The following WIPF1 variants were observed in gnomAD, a reference collection of about 807,000 sequenced individuals.
The protein encoded by WIPF1 is WAS/WASL-interacting protein family member 1.
Under a neutral mutation model 35.4 loss-of-function variants are expected in WIPF1, and 13 were observed. That is an observed-to-expected ratio of 0.37 (90% CI 0.24 to 0.58). The LOEUF is 0.58. Among genes scored for constraint, WIPF1 ranks in the 20% least tolerant of loss-of-function variants. The pLI is 0.74. For missense variants in WIPF1, 591 were observed against 667.0 expected, an observed-to-expected ratio of 0.89 and a Z score of 1.25; for synonymous variants, 267 against 266.3, an observed-to-expected ratio of 1.00 and a Z score of -0.02.
In WIPF1 at chr2:174,667,257, C is replaced by T. The variant is rs533727952; in HGVS notation, c.-39+15517G>A. On this transcript the variant is annotated intron_variant, in intron 1 of 8. Coordinates refer to the WIPF1 transcript ENST00000272746. ...ACGGCACCCTCTTCCTGGGACTGGT[C>T]GAGGTCTCTGCAGGAATTGTAAAGA... Among the ~76,000 whole-genome samples the T allele has an allele frequency of 8.1e-3, 1,234 of 152,298 alleles. 8 individuals carry two copies. Among genetic ancestry groups the T allele is most frequent in the Non-Finnish European group, 0.014 (986 of 68,018 alleles).
intron 1 of WIPF1, among the ~76,000 whole-genome samples, chr2:174,604,957 A>G (rs1374887039): frequency 5.9e-5 from 9 of 152,196 alleles, no homozygotes; most frequent in Admixed American, 5.9e-4. Flanking sequence ...ACTACTTTTG[A>G]ACCAAGGAGA....
At position 174,567,870 on chromosome 2, in the gene WIPF1, G is replaced by T. The variant is rs780591761; in HGVS notation, c.1333C>A (p.Pro445Thr). The change falls in exon 6 of 8, where the codon CCA (proline) becomes ACA (threonine). Residue 445 changes from proline (P) to threonine (T), a missense_variant. Physicochemically the swap from Pro to Thr is conservative, Grantham distance 38. Around this residue, in one of 3 missense-constraint regions of WIPF1, gnomAD observed 117 missense variants for 149.6 expected, o/e 0.78. Coordinates refer to ENST00000679041, the MANE Select transcript of WIPF1 (RefSeq NM_001375834.1). ...TSIRNGFQDS[P>T]CEDEWESRFY... ...TGGGACCACACCTCACCTTCACATG[G>T]AGAGTCTTGGAAGCCATTTCTAATA... is the stretch of plus-strand genomic sequence containing the variant. 6.3e-7 allele frequency: 1 copy of T among 1,587,426 alleles called. No homozygotes were observed.
chr2:174,654,685 T>C (rs913292808), intron 1 of WIPF1, among the ~76,000 whole-genome samples: 4 of 152,116 alleles, frequency 2.6e-5, no homozygotes, highest in African/African-American at 9.7e-5. Flanking sequence ...CTTAACTCTC[T>C]TCTGACTAGT....
chr2:174,668,555 T>G (rs1427474665), intron 1 of WIPF1, among the ~76,000 whole-genome samples: 1 of 152,226 alleles, frequency 6.6e-6, no homozygotes, highest in Non-Finnish European at 1.5e-5. Context: ...ATTTTCTTCC[T>G]CATTAAAGAC....
chr2:174,673,913 C>T (rs926203742), intron 1 of WIPF1: 1 of 151,922 alleles, frequency 6.6e-6, no homozygotes, highest in Non-Finnish European at 1.5e-5. Flanking sequence ...CTTCTGTTGC[C>T]CAAATGCAAT....
chr2:174,657,625 G>C (rs949312554), intron 1 of WIPF1, among the ~76,000 whole-genome samples: 13 of 152,202 alleles, frequency 8.5e-5, no homozygotes, highest in Non-Finnish European at 1.5e-5. Flanking sequence ...GGGTACAGTG[G>C]CTCACGCCTG....
rs140291304 is a variant in WIPF1 at position 174,668,944 on chromosome 2, G to T, written c.-39+13830C>A. ...ATGTTGACCTTGCCAGATTAGCTGT[G>T]TGAAACTGGGCCAGCTGATTACCCT... On this transcript the variant is annotated intron_variant, in intron 1 of 8. Coordinates refer to the WIPF1 transcript ENST00000272746. Among the ~76,000 whole-genome samples the T allele has an allele frequency of 6.2e-3, 948 of 152,346 alleles. 12 individuals are homozygous for T. The highest frequency in any genetic ancestry group is 0.022 in the African/African-American group (907 of 41,572).
chr2:174,661,422 C>T (rs757307879), intron 1 of WIPF1, among the ~76,000 whole-genome samples: 1 of 152,102 alleles, frequency 6.6e-6, no homozygotes, highest in African/African-American at 2.4e-5. Context: ...CTCTCTTTTC[C>T]GGACTTGTCC....
At chr2:174,638,680 T>C (rs1283740050) in intron 1 of WIPF1, among the ~76,000 whole-genome samples, 1 of 152,194 alleles carries the variant, frequency 6.6e-6, no homozygotes. Context: ...TTATTTCACT[T>C]AATACGATGT....
chr2:174,562,244 G>A lies in WIPF1; in HGVS notation c.*303C>T. The A allele has an allele frequency of 6.5e-7, 1 of 1,542,546 alleles. No homozygotes were observed. The highest frequency in any genetic ancestry group is 1.2e-5 in the South Asian group (1 of 83,534). On this transcript the variant is annotated 3_prime_UTR_variant, in exon 8 of 8. Transcript: ENST00000679041. ...AAATAAGCAGTGAATGTTTGAATTT[G>A]GTTGGTGGAAAGCTGGGATGCAAGT...
chr2:174,636,906 C>T (rs1687196988), intron 1 of WIPF1, among the ~76,000 whole-genome samples: 1 of 152,184 alleles, frequency 6.6e-6, no homozygotes, highest in South Asian at 2.1e-4. Context: ...GATCACCTGG[C>T]TGAGGCAGTG....
intron 1 of WIPF1, among the ~76,000 whole-genome samples, chr2:174,653,328 C>T (rs1687571832): frequency 6.6e-6 from 1 of 152,082 alleles, no homozygotes; most frequent in Non-Finnish European, 1.5e-5. Context: ...TGGGTGTAAC[C>T]CACCCAGCTA....
intron 1 of WIPF1, among the ~76,000 whole-genome samples, chr2:174,646,443 A>G (rs920634908): frequency 6.6e-6 from 1 of 152,260 alleles, no homozygotes; most frequent in Non-Finnish European, 1.5e-5. Context: ...TTTCTCATCT[A>G]TAACATGGAG....
At chr2:174,610,329 C>T (rs2105897792) in intron 1 of WIPF1, among the ~76,000 whole-genome samples, 1 of 152,330 alleles carries the variant, frequency 6.6e-6, no homozygotes, top group South Asian at 2.1e-4. Context: ...CTTTTCCCCA[C>T]AACACGGAAG....
upstream of WIPF1, among the ~76,000 whole-genome samples, chr2:174,599,825 C>A (rs1397403353): frequency 1.3e-5 from 2 of 152,084 alleles, no homozygotes; most frequent in South Asian, 4.2e-4. Flanking sequence ...CTATCTCTCT[C>A]TCTCTCTCTC....
chr2:174,631,385 T>C (rs1420539744), intron 1 of WIPF1, among the ~76,000 whole-genome samples: 1 of 152,172 alleles, frequency 6.6e-6, no homozygotes, highest in Non-Finnish European at 1.5e-5. Flanking sequence ...TATTATATAA[T>C]TCTACTTATA....
intron 3 of WIPF1, 139 bp downstream of exon 3, chr2:174,581,171 T>C: frequency 8.0e-7 from 1 of 1,252,866 alleles, no homozygotes; most frequent in African/African-American, 1.5e-5. Context: ...CAGGGAGTGA[T>C]ACAGTCCCTT....
chr2:174,590,925 G>A lies in WIPF1; in HGVS notation c.-38-5314C>T, dbSNP rs1685582385. ...GAAAAGGCTTTTGTTTTCACATACAGTATTACGGTCTGAACTATGTCCCCT... is the reference window on the plus strand; with the variant it reads ...GAAAAGGCTTTTGTTTTCACATACAATATTACGGTCTGAACTATGTCCCCT... On this transcript the variant is annotated intron_variant, in intron 1 of 7. Transcript: ENST00000679041. This position sits in a 1 kb window ranked among gnomAD's most constrained non-coding sequence, Gnocchi z 4.6. Among the ~76,000 whole-genome samples the A allele has an allele frequency of 6.6e-6, 1 of 152,200 alleles. No individual in the cohort carries two copies. The highest frequency in any genetic ancestry group is 2.4e-5 in the African/African-American group (1 of 41,434).
intron 1 of WIPF1, among the ~76,000 whole-genome samples, chr2:174,585,852 C>T (rs1685401042): frequency 6.6e-6 from 1 of 152,156 alleles, no homozygotes; most frequent in Non-Finnish European, 1.5e-5. Flanking sequence ...CGGCTCCATT[C>T]CCCCACCCAC....
Sources: gnomAD v4.1 joint callset for allele counts (sites outside exome capture counted in the v4.1 genomes callset) on GRCh38, gnomAD v4.1.1 for gene constraint, gnomAD v4.1.1 regional missense constraint, Gnocchi (gnomAD v3.1) non-coding constraint, MANE v1.5 for transcripts, NCBI Gene and HGNC (gene_info 2026-07-23, HGNC 2026-07-21) for gene names.